The following TRPA1 variants were observed in gnomAD, a reference collection of about 807,000 sequenced individuals.
The protein encoded by TRPA1 is ankyrin-like with transmembrane domains 1.
A neutral mutation model predicts 131.3 loss-of-function variants in TRPA1; 129 were observed. The observed-to-expected ratio is 0.98, with a 90% CI of 0.85 to 1.14. TRPA1 has a LOEUF of 1.14. Among genes scored for constraint, TRPA1 ranks in the 50% most tolerant of loss-of-function variants. The pLI is 0.00. For synonymous variants in TRPA1, 441 were observed against 451.7 expected (o/e 0.98, Z 0.30); for missense variants, 1,304 against 1,354.2 (o/e 0.96, Z 0.58).
At chr8:72,075,859 AGTGTGTGTGTGTGTGT>A (rs61575164), upstream of TRPA1, among the ~76,000 whole-genome samples, 230 of 134,996 alleles carry the variant, frequency 1.7e-3, no homozygotes, top group East Asian at 6.7e-3. Flanking sequence ...CTTGCATGTG[AGTGTGTGTGTGTGTGT>A]GTGTGTGTGT....
chr8:72,070,207 A>G (rs915449736), intron 2 of TRPA1, among the ~76,000 whole-genome samples: 1 of 152,212 alleles, frequency 6.6e-6, no homozygotes. Flanking sequence ...TATGATTTGG[A>G]GACCATCTAC....
chr8:72,047,264 G>A, intron 15 of TRPA1, 57 bp from the exon 16 acceptor site: 4 of 1,252,222 alleles, frequency 3.2e-6, no homozygotes, highest in East Asian at 4.7e-5. Context: ...TATTAGGAAA[G>A]ATTTTATCCT....
intron 18 of TRPA1, among the ~76,000 whole-genome samples, chr8:72,039,513 C>T (rs750951031): frequency 6.6e-6 from 1 of 151,716 alleles, no homozygotes; most frequent in Non-Finnish European, 1.5e-5. Context: ...TTTTTTTTAA[C>T]CTTAACTTCT....
Position 72,022,771 on chromosome 8 carries a change from T to A in TRPA1, c.*135A>T, listed in dbSNP as rs1378838640. ...GAGGATAAAAGATGGTTTACTTTTA[T>A]ACAGCATGCAGGAACCATGATTTCA... On this transcript the variant is annotated 3_prime_UTR_variant, in exon 27 of 27. Transcript: ENST00000262209. The A allele has an allele frequency of 3.7e-6, 3 of 820,920 alleles. No individual in the cohort carries two copies. Among genetic ancestry groups the A allele is most frequent in the Non-Finnish European group, 6.1e-6 (3 of 491,546 alleles). 50.9% of individuals were successfully genotyped at this position (820,920 alleles called of 1,614,324 possible). A position where few individuals can be genotyped will look rare whatever the true frequency, so the allele number is the denominator to read the frequency against.
intron 2 of TRPA1, among the ~76,000 whole-genome samples, chr8:72,070,588 C>G (rs1806037922): frequency 6.6e-6 from 1 of 152,292 alleles, no homozygotes; most frequent in Admixed American, 6.5e-5. Flanking sequence ...TACTTGATCT[C>G]TTTGTGGCAA....
At position 72,036,429 on chromosome 8, in the gene TRPA1, T is replaced by C. The variant is rs764742452; in HGVS notation, c.2414A>G (p.Asn805Ser). ...CGTGTAGATAATCCATTCAAGAACATTGCTTATATCCATAAAATAATTCCT... is the reference window on the plus strand; with the variant it reads ...CGTGTAGATAATCCATTCAAGAACACTGCTTATATCCATAAAATAATTCCT... ...QKRNYFMDIS[N>S]VLEWIIYTTG... Residue 805 changes from asparagine (N) to serine (S), a missense_variant, in exon 21 of 27, where the codon AAT (asparagine) becomes AGT (serine). Asn to Ser is a conservative substitution (Grantham distance 46). Transcript: ENST00000262209. 3.7e-6 allele frequency: 6 copies of C among 1,613,920 alleles called. No individual in the cohort carries two copies. The Admixed American group carries it at 1.0e-4, about 27-fold the overall frequency.
intron 6 of TRPA1, among the ~76,000 whole-genome samples, chr8:72,062,475 C>A (rs1036976387): frequency 6.6e-6 from 1 of 152,190 alleles, no homozygotes; most frequent in African/African-American, 2.4e-5. Context: ...AAGCCAAATA[C>A]ATTCATGATT....
chr8:72,082,979 ATTTTTAGTCT>A, the TRPA1 span, among the ~76,000 whole-genome samples: 1 of 151,498 alleles, frequency 6.6e-6, no homozygotes, highest in Non-Finnish European at 1.5e-5. Context: ...TCTGTTCAAT[ATTTTTAGTCT>A]TTTTTATCTC....
chr8:72,086,917 A>G, the TRPA1 span, among the ~76,000 whole-genome samples: 1 of 152,246 alleles, frequency 6.6e-6, no homozygotes, highest in African/African-American at 2.4e-5. Flanking sequence ...AACTAAAATG[A>G]CTTAACAAAA....
At chr8:72,051,479 T>C (rs1410069689) in intron 14 of TRPA1, among the ~76,000 whole-genome samples, 3 of 152,116 alleles carry the variant, frequency 2.0e-5, no homozygotes, top group Non-Finnish European at 4.4e-5. Context: ...GCCCATTATC[T>C]CCAAGATCTT....
In TRPA1 at chr8:72,039,046, A is replaced by G. The variant is rs913811645; in HGVS notation, c.2133-19T>C. On this transcript the variant is annotated intron_variant, in intron 18 of 26. Transcript: ENST00000262209. ...AGCCAACCTACAAAAATATAAGCAA[A>G]CCAGAATTGAGTCATTTCAAACAAA... 1.2e-6 allele frequency: 2 copies of G among 1,611,354 alleles called. 1 individual carries two copies. Among genetic ancestry groups the G allele is most frequent in the Middle Eastern group, 3.3e-4 (2 of 6,048 alleles).
At chr8:72,042,858 G>GA (rs1455397194) in intron 17 of TRPA1, among the ~76,000 whole-genome samples, 1 of 151,784 alleles carries the variant, frequency 6.6e-6, no homozygotes, top group Non-Finnish European at 1.5e-5. Flanking sequence ...CTAAGGTGGA[G>GA]AAAAATCACA....
chr8:72,071,628 T>A, intron 2 of TRPA1, 83 bp downstream of exon 2: 1 of 1,529,142 alleles, frequency 6.5e-7, no homozygotes, highest in Non-Finnish European at 9.0e-7. Context: ...CTAATTACCC[T>A]TAAAAATCAC....
In TRPA1 at chr8:72,039,040, A is replaced by C; in HGVS notation, c.2133-13T>G. 1 of 1,611,942 alleles carries C rather than the reference A, an allele frequency of 6.2e-7. No homozygotes were observed. The highest frequency in any genetic ancestry group is 8.5e-7 in the Non-Finnish European group (1 of 1,179,030). On this transcript the variant is annotated splice_polypyrimidine_tract_variant and intron_variant, in intron 18 of 26. Coordinates refer to ENST00000262209, the MANE Select transcript of TRPA1 (RefSeq NM_007332.3). Reference sequence around the variant, plus strand: ...TCCATAAGCCAACCTACAAAAATATAAGCAAACCAGAATTGAGTCATTTCA... The same window carrying C: ...TCCATAAGCCAACCTACAAAAATATCAGCAAACCAGAATTGAGTCATTTCA...
In TRPA1 at chr8:72,059,403, T is replaced by C. The variant is rs917914885; in HGVS notation, c.980A>G (p.Tyr327Cys). 1.5e-5 allele frequency: 24 copies of C among 1,581,406 alleles called. No individual in the cohort carries two copies. Among genetic ancestry groups the C allele is most frequent in the Non-Finnish European group, 1.9e-5 (22 of 1,156,314 alleles). ...AGGAATAGTTACCACTGAAATTAAATAGTCTGCTAGCTCATGGTGATCAAA... is the reference window on the plus strand; with the variant it reads ...AGGAATAGTTACCACTGAAATTAAACAGTCTGCTAGCTCATGGTGATCAAA... Reference protein sequence around the residue: ...SLFDHHELADYLISVGADINK... With the variant: ...SLFDHHELADCLISVGADINK... The change falls in exon 8 of 27, where the codon TAT becomes TGT. Residue 327 changes from tyrosine (Y) to cysteine (C), a missense_variant. By Grantham distance (194) the Tyr-to-Cys change is radical. Transcript: ENST00000262209.
At chr8:72,083,232 C>T in the TRPA1 span, among the ~76,000 whole-genome samples, 19 of 152,052 alleles carry the variant, frequency 1.2e-4, no homozygotes, top group African/African-American at 4.1e-4. Flanking sequence ...CTTTATCATT[C>T]AACATCTTTA....
chr8:72,085,508 T>C, the TRPA1 span, among the ~76,000 whole-genome samples: 1 of 150,938 alleles, frequency 6.6e-6, no homozygotes, highest in Non-Finnish European at 1.5e-5. Flanking sequence ...ATATGAAATA[T>C]ATATTTATCT....
Position 72,038,889 on chromosome 8 carries a change from A to G in TRPA1, c.2271T>C (p.Asp757=). ...CCGTGGTATCTAGTATTTCTGAATG[A>G]TCACTAGTTTCATTGATGATGCCAG... ...NSTGIINETS[D]HSEILDTTNS... is the part of the protein sequence containing the mutation. Residue 757 remains aspartate, a synonymous_variant, in exon 19 of 27, where the codon GAT becomes GAC. Coordinates refer to ENST00000262209, the MANE Select transcript of TRPA1 (RefSeq NM_007332.3). The G allele has an allele frequency of 6.2e-7, 1 of 1,612,492 alleles. No homozygotes were observed. Among genetic ancestry groups the G allele is most frequent in the Non-Finnish European group, 8.5e-7 (1 of 1,179,180 alleles).
chr8:72,033,623 A>T, intron 23 of TRPA1, 21 bp downstream of exon 23: 2 of 1,599,744 alleles, frequency 1.3e-6, no homozygotes, highest in Non-Finnish European at 1.7e-6. Context: ...CAAACAGAAA[A>T]TATAAGAAAA....
Sources: gnomAD v4.1 joint callset for allele counts (sites outside exome capture counted in the v4.1 genomes callset) on GRCh38, gnomAD v4.1.1 for gene constraint, MANE v1.5 for transcripts, NCBI Gene and HGNC (gene_info 2026-07-23, HGNC 2026-07-21) for gene names.